C4orf50: variants seen among roughly 807,000 people sequenced by gnomAD.
C4orf50 encodes the protein uncharacterized protein C4orf50.
In C4orf50, 80 loss-of-function variants were observed where a neutral mutation model predicts 77.2. The ratio of observed to expected loss-of-function variants is 1.04; its 90% CI spans 0.87 to 1.25. The LOEUF is 1.25. Among genes scored for constraint, C4orf50 ranks in the 50% most tolerant of loss-of-function variants. C4orf50 has a pLI of 0.00. For synonymous variants in C4orf50, 532 were observed against 465.3 expected, an observed-to-expected ratio of 1.14 and a Z score of -1.84; for missense variants, 1,257 against 1,152.9, an observed-to-expected ratio of 1.09 and a Z score of -1.31.
intron 25 of C4orf50, among the ~76,000 whole-genome samples, chr4:5,995,906 C>T (rs1359836426): frequency 6.6e-6 from 1 of 152,130 alleles, no homozygotes; most frequent in East Asian, 1.9e-4. Flanking sequence ...CACTTGCTCC[C>T]CAGGTCCTCA....
At chr4:5,912,076 CACACAAACAA>C (rs1484446247) in intron 7 of C4orf50, among the ~76,000 whole-genome samples, 3 of 28,920 alleles carry the variant, frequency 1.0e-4, no homozygotes, top group African/African-American at 5.7e-4. Flanking sequence ...ACAAAAAAAC[CACACAAACAA>C]ACACAAACAA....
chr4:5,969,165 T>C (rs1047466060), intron 31 of C4orf50, among the ~76,000 whole-genome samples: 5 of 152,248 alleles, frequency 3.3e-5, no homozygotes, highest in Middle Eastern at 3.4e-3. Flanking sequence ...AGGGGACAGA[T>C]GAAGACTTGT....
At chr4:6,010,704 A>T (rs1339279295) in intron 24 of C4orf50, among the ~76,000 whole-genome samples, 1 of 152,230 alleles carries the variant, frequency 6.6e-6, no homozygotes, top group Admixed American at 6.5e-5. Context: ...CTAGAACAGG[A>T]TGCCTCCAGG....
intron 7 of C4orf50, among the ~76,000 whole-genome samples, chr4:5,934,551 C>T (rs1428694454): frequency 6.6e-6 from 1 of 152,140 alleles, no homozygotes; most frequent in African/African-American, 2.4e-5. Flanking sequence ...CACCCTCCTC[C>T]CGGCCCCACT....
intron 7 of C4orf50, among the ~76,000 whole-genome samples, chr4:5,950,750 C>T (rs1220419449): frequency 1.3e-5 from 2 of 152,234 alleles, no homozygotes; most frequent in African/African-American, 4.8e-5. Context: ...CTTGAAATTA[C>T]ACAATATATA....
intron 29 of C4orf50, among the ~76,000 whole-genome samples, chr4:5,976,295 C>CA (rs1021221753): frequency 5.4e-4 from 78 of 144,754 alleles, no homozygotes; most frequent in African/African-American, 9.6e-4. Context: ...AAAAAAAATA[C>CA]AAAAAAAAAA....
At chr4:5,960,006 T>A (rs1309234635) in intron 33 of C4orf50, among the ~76,000 whole-genome samples, 2 of 152,222 alleles carry the variant, frequency 1.3e-5, no homozygotes, top group African/African-American at 4.8e-5. Flanking sequence ...AGTCATGTCT[T>A]GCTGGTTGCA....
rs957741357 is a variant in C4orf50, at chr4:5,919,958, T to C, written c.*2475-21770A>G. On this transcript the variant is annotated intron_variant, in intron 7 of 7. Transcript: ENST00000324058. The surrounding 1 kb of genome is among the most constrained non-coding windows in gnomAD (Gnocchi z 6.5). ...TGTGTTCAACACGCACAGACTTTTC[T>C]TGTCATCATTCCCTCAACAACACAG... Among the ~76,000 whole-genome samples, 5 of 152,256 alleles carry C rather than the reference T, an allele frequency of 3.3e-5. No individual in the cohort carries two copies. The highest frequency in any genetic ancestry group is 7.3e-5 in the Non-Finnish European group (5 of 68,046).
rs543381593 is a variant in C4orf50, at chr4:5,982,875, G to C, written c.3700-2537C>G. Reference sequence around the variant, plus strand: ...GTGCAGGGAGAGGTGGATGAAGAAGGTGAAGAATGAGGGCAGAGGTGGCAG... The same window carrying C: ...GTGCAGGGAGAGGTGGATGAAGAAGCTGAAGAATGAGGGCAGAGGTGGCAG... On this transcript the variant is annotated intron_variant, in intron 28 of 33. Coordinates refer to ENST00000531445, the Ensembl canonical transcript of C4orf50. Among the ~76,000 whole-genome samples, 5 of 152,260 alleles carry C rather than the reference G, an allele frequency of 3.3e-5. No individual in the cohort carries two copies. In the South Asian group the frequency reaches 1.0e-3, roughly 32 times the overall value.
exon 28 of C4orf50, chr4:5,990,359 T>C (rs747391): frequency 0.11 from 55,933 of 523,532 alleles, 3,556 homozygotes; most frequent in East Asian, 0.22. Flanking sequence ...CCCCTTGCCT[T>C]CCCCTCTTCA....
At chr4:5,985,845 A>G (rs528230903) in intron 28 of C4orf50, among the ~76,000 whole-genome samples, 1 of 152,168 alleles carries the variant, frequency 6.6e-6, no homozygotes. Context: ...GGTGGGTGCC[A>G]GTAGTCTCAG....
At position 5,994,122 on chromosome 4, in the gene C4orf50, C is replaced by T. The variant is rs144943814; in HGVS notation, c.1093+225G>A. Among the ~76,000 whole-genome samples the T allele has an allele frequency of 6.2e-3, 942 of 152,298 alleles. 12 individuals carry two copies. The highest frequency in any genetic ancestry group is 0.021 in the African/African-American group (886 of 41,572). Reference sequence around the variant, plus strand: ...GTGTGAGCCTGTGTTCAGCTGAGCCCGAGCCAAAGGCCCCTGGTGGGAGTT... The same window carrying T: ...GTGTGAGCCTGTGTTCAGCTGAGCCTGAGCCAAAGGCCCCTGGTGGGAGTT... On this transcript the variant is annotated intron_variant, in intron 26 of 33. Coordinates refer to ENST00000531445, the Ensembl canonical transcript of C4orf50.
intron 30 of C4orf50, 65 bp from the exon 9 acceptor site, chr4:5,973,906 T>A (rs1015578760): frequency 2.5e-5 from 34 of 1,369,114 alleles, no homozygotes; most frequent in Non-Finnish European, 3.3e-5. Flanking sequence ...GCTGGAGGGC[T>A]GGGGGCCGGA....
In C4orf50 at chr4:5,908,565, C is replaced by T. The variant is rs913245560; in HGVS notation, c.*2475-10377G>A. On this transcript the variant is annotated intron_variant, in intron 7 of 7. Coordinates refer to the C4orf50 transcript ENST00000324058. The surrounding 1 kb of genome is among the most constrained non-coding windows in gnomAD (Gnocchi z 5.6). ...GACTCCAAGCAGGGAGACGACCATG[C>T]GATGGGGAGGGGGGAAAGCCCTGGG... Among the ~76,000 whole-genome samples, 3 of 151,902 alleles carry T rather than the reference C, an allele frequency of 2.0e-5. No homozygotes were observed. Among genetic ancestry groups the T allele is most frequent in the Non-Finnish European group, 4.4e-5 (3 of 68,000 alleles).
chr4:5,997,809 T>C (rs1277646488), intron 25 of C4orf50, among the ~76,000 whole-genome samples: 3 of 152,250 alleles, frequency 2.0e-5, no homozygotes, highest in Admixed American at 2.0e-4. Flanking sequence ...CTTTGTGAAT[T>C]TTGCATTTAA....
chr4:5,945,989 G>A (rs1380427397), intron 7 of C4orf50, among the ~76,000 whole-genome samples: 1 of 152,340 alleles, frequency 6.6e-6, no homozygotes, highest in African/African-American at 2.4e-5. Flanking sequence ...TGGAGAAAGG[G>A]AGGAGAGAAG....
At chr4:5,990,459 G>A (rs938690210) in exon 28 of C4orf50, 1 of 400,808 alleles carries the variant, frequency 2.5e-6, no homozygotes, top group Admixed American at 4.4e-5. Context: ...TTGAAATGTA[G>A]GGGGCCTCGT....
chr4:6,004,065 G>GGTGATGGTGATGAT (rs1722035830), intron 25 of C4orf50, among the ~76,000 whole-genome samples: 1 of 72,086 alleles, frequency 1.4e-5, no homozygotes, highest in Non-Finnish European at 3.0e-5. Flanking sequence ...TGGTGATGAT[G>GGTGATGGTGATGAT]GTGATGGTGA....
intron 7 of C4orf50, among the ~76,000 whole-genome samples, chr4:5,933,614 C>T (rs759291951): frequency 4.6e-5 from 7 of 152,248 alleles, no homozygotes; most frequent in Admixed American, 4.6e-4. Flanking sequence ...AGCACAGACC[C>T]TCTAATGTCT....
Sources: gnomAD v4.1 joint callset for allele counts (sites outside exome capture counted in the v4.1 genomes callset) on GRCh38, gnomAD v4.1.1 for gene constraint, Gnocchi (gnomAD v3.1) non-coding constraint, MANE v1.5 for transcripts, NCBI Gene and HGNC (gene_info 2026-07-23, HGNC 2026-07-21) for gene names.